Variants in CFAP69 observed in about 807,000 individuals in gnomAD.
The protein encoded by CFAP69 is cilia and flagella associated protein 69, also known as cilia- and flagella-associated protein 69.
In CFAP69, 92 loss-of-function variants were observed where a neutral mutation model predicts 123.0. The observed-to-expected ratio is 0.75, with a 90% CI of 0.63 to 0.89. The LOEUF is 0.89. Ranked by LOEUF, CFAP69 falls within the 40% of genes least tolerant of loss-of-function variation. The pLI is 0.00. For synonymous variants in CFAP69, 380 were observed against 364.3 expected, an observed-to-expected ratio of 1.04 and a Z score of -0.49; for missense variants, 1,067 against 1,096.9, an observed-to-expected ratio of 0.97 and a Z score of 0.39.
chr7:90,269,751 AGATGGT>A (rs1293883696), intron 6 of CFAP69, among the ~76,000 whole-genome samples: 3 of 152,190 alleles, frequency 2.0e-5, no homozygotes, highest in Non-Finnish European at 4.4e-5. Context: ...TCTTAAGATC[AGATGGT>A]GAAGAAAAAG....
At chr7:90,307,932 C>G in intron 21 of CFAP69, 78 bp downstream of exon 21, 1 of 908,434 alleles carries the variant, frequency 1.1e-6, no homozygotes, top group Non-Finnish European at 1.7e-6. Context: ...AACAAATATT[C>G]ATTCATTTTT....
In CFAP69 at chr7:90,310,053, CT is replaced by C; in HGVS notation, c.2656-11del. 1 of 1,594,288 alleles carries C rather than the reference CT, an allele frequency of 6.3e-7. No individual in the cohort carries two copies. Among genetic ancestry groups the C allele is most frequent in the Non-Finnish European group, 8.6e-7 (1 of 1,169,508 alleles). On this transcript the variant is annotated splice_polypyrimidine_tract_variant and intron_variant, in intron 22 of 22. Transcript: ENST00000389297. ...TGTAAATGGACTTTTAGATATTTAC[CT>C]TTTGCCTTTTTAGGTGCCCTCTGGT...
intron 17 of CFAP69, chr7:90,300,975 CT>C (rs200376691): frequency 7.8e-4 from 115 of 147,282 alleles, no homozygotes; most frequent in African/African-American, 1.9e-3. Flanking sequence ...TTCTTTTTTT[CT>C]TTTTTTTTTG....
intron 16 of CFAP69, 25 bp from the exon 17 acceptor site, chr7:90,299,842 T>C: frequency 6.5e-7 from 1 of 1,545,862 alleles, no homozygotes; most frequent in Non-Finnish European, 8.8e-7. Flanking sequence ...TGCAACTTTT[T>C]TCCTTTTCTG....
In CFAP69 at chr7:90,308,555, C is replaced by T. The variant is rs140091321; in HGVS notation, c.2550+701C>T. ...AATACTTCCTATAGATATAAAATTG[C>T]TAAATGTTAAGTTAGTCCACAAGAC... is the stretch of plus-strand genomic sequence containing the variant. On this transcript the variant is annotated intron_variant, in intron 21 of 22. Transcript: ENST00000389297. 2.6e-5 allele frequency among the ~76,000 whole-genome samples: 4 copies of T among 152,148 alleles called. No individual in the cohort carries two copies. In the East Asian group the frequency reaches 7.7e-4, roughly 29 times the overall value.
At chr7:90,293,661 C>G (rs927289197) in intron 15 of CFAP69, among the ~76,000 whole-genome samples, 2 of 152,180 alleles carry the variant, frequency 1.3e-5, no homozygotes, top group Non-Finnish European at 2.9e-5. Context: ...ACATATAAAA[C>G]TGTTTCTTTA....
At chr7:90,292,754 T>C (rs1252533555) in intron 15 of CFAP69, among the ~76,000 whole-genome samples, 1 of 152,196 alleles carries the variant, frequency 6.6e-6, no homozygotes, top group Non-Finnish European at 1.5e-5. Flanking sequence ...TTAAAAAAGA[T>C]GATTTTAGAC....
chr7:90,298,969 T>C (rs1176436320), intron 16 of CFAP69, among the ~76,000 whole-genome samples: 2 of 152,130 alleles, frequency 1.3e-5, no homozygotes, highest in African/African-American at 4.8e-5. Context: ...TTAATACAAC[T>C]CTGCTGAAAT....
At chr7:90,318,026 C>A in the CFAP69 span, 3 of 152,184 alleles carry the variant, frequency 2.0e-5, no homozygotes, top group African/African-American at 7.2e-5. Context: ...AATCTTGAAA[C>A]TGTTCATGTG....
At chr7:90,256,129 C>G (rs1797614251) in intron 2 of CFAP69, among the ~76,000 whole-genome samples, 1 of 152,046 alleles carries the variant, frequency 6.6e-6, no homozygotes. Context: ...GAGTTGACCA[C>G]AAATGCCCAT....
chr7:90,281,156 A>C (rs1437410056), intron 12 of CFAP69, among the ~76,000 whole-genome samples: 1 of 152,230 alleles, frequency 6.6e-6, no homozygotes, highest in Non-Finnish European at 1.5e-5. Context: ...TACTCTTATT[A>C]TCCCTTTGTA....
chr7:90,269,151 C>T (rs1799592127), intron 6 of CFAP69, among the ~76,000 whole-genome samples: 1 of 150,310 alleles, frequency 6.7e-6, no homozygotes, highest in South Asian at 2.1e-4. Flanking sequence ...AAAAATGGAA[C>T]AGCACCTAAA....
the CFAP69 span, chr7:90,317,854 T>C: frequency 6.6e-6 from 1 of 152,170 alleles, no homozygotes; most frequent in African/African-American, 2.4e-5. Context: ...GGAATCAGAC[T>C]GTAAAGGAGA....
intron 21 of CFAP69, among the ~76,000 whole-genome samples, chr7:90,308,213 A>G (rs368117406): frequency 2.0e-5 from 3 of 152,260 alleles, no homozygotes; most frequent in African/African-American, 7.2e-5. Flanking sequence ...CACAAAGAGC[A>G]ACTATCTTGT....
intron 21 of CFAP69, among the ~76,000 whole-genome samples, chr7:90,308,619 A>G (rs913700820): frequency 2.0e-5 from 3 of 152,158 alleles, no homozygotes; most frequent in Admixed American, 6.5e-5. Context: ...AAATTTAAGA[A>G]CAAGCTCACT....
At chr7:90,253,298 C>T (rs1311601443) in intron 1 of CFAP69, among the ~76,000 whole-genome samples, 1 of 152,122 alleles carries the variant, frequency 6.6e-6, no homozygotes, top group Non-Finnish European at 1.5e-5. Context: ...ATTTGTAGAT[C>T]CCTGTATCAT....
chr7:90,305,632 C>T (rs983049701), intron 19 of CFAP69, among the ~76,000 whole-genome samples: 1 of 151,770 alleles, frequency 6.6e-6, no homozygotes, highest in Non-Finnish European at 1.5e-5. Flanking sequence ...GTGGGTGGAT[C>T]ACCCAAGGTC....
rs1266464067 is a variant in CFAP69 at position 90,303,979 on chromosome 7, A to G, written c.2061A>G (p.Lys687=). The change falls in exon 18 of 23, where the codon AAA becomes AAG. Residue 687 remains lysine (K), a synonymous_variant. Coordinates refer to ENST00000389297, the MANE Select transcript of CFAP69 (RefSeq NM_001039706.3). Reference sequence around the variant, plus strand: ...CTATCCAATGATTAGATACAAAAAAACCTCTATTTACTAGCTTTCAAGAAG... The same window carrying G: ...CTATCCAATGATTAGATACAAAAAAGCCTCTATTTACTAGCTTTCAAGAAG... ...DKNGKIIDTK[K]PLFTSFQEEQ... The G allele has an allele frequency of 1.9e-6, 3 of 1,548,466 alleles. No individual in the cohort carries two copies. Among genetic ancestry groups the G allele is most frequent in the African/African-American group, 1.4e-5 (1 of 72,876 alleles).
intron 4 of CFAP69, 127 bp downstream of exon 4, chr7:90,262,183 T>C (rs1798425560): frequency 1.8e-6 from 1 of 569,516 alleles, no homozygotes; most frequent in East Asian, 3.6e-5. Context: ...CTTCAGTTCA[T>C]CACTTGATTC....
Sources: allele counts gnomAD v4.1 joint callset (sites outside exome capture counted in the v4.1 genomes callset), GRCh38; gene constraint gnomAD v4.1.1; transcripts MANE v1.5; gene names NCBI Gene and HGNC (gene_info 2026-07-23, HGNC 2026-07-21).